SRSF11: variants seen among roughly 807,000 people sequenced by gnomAD.
SRSF11 encodes the protein serine/arginine-rich splicing factor 11.
A neutral mutation model predicts 56.0 loss-of-function variants in SRSF11; 9 were observed. The observed-to-expected ratio is 0.16, with a 90% CI of 0.10 to 0.28. The LOEUF is 0.28. Among genes scored for constraint, SRSF11 ranks in the 10% least tolerant of loss-of-function variants. The pLI is 1.00. For missense variants in SRSF11, 421 were observed against 600.7 expected, an observed-to-expected ratio of 0.70 and a Z score of 3.13; for synonymous variants, 222 against 215.3, an observed-to-expected ratio of 1.03 and a Z score of -0.27.
intron 9 of SRSF11, chr1:70,249,278 A>G (rs1235048473): frequency 6.6e-6 from 1 of 152,202 alleles, no homozygotes; most frequent in East Asian, 1.9e-4. Flanking sequence ...TCTATATCAC[A>G]TTATTGAATT....
Position 70,221,764 on chromosome 1 carries a change from G to C in SRSF11, c.128G>C (p.Ser43Thr), listed in dbSNP as rs1309136475. 2.5e-6 allele frequency: 4 copies of C among 1,614,158 alleles called. No homozygotes were observed. In the South Asian group the frequency reaches 3.3e-5, roughly 13 times the overall value. The change falls in exon 1 of 12, where the codon AGC becomes ACC. Residue 43 changes from serine (S) to threonine (T), a missense_variant. Ser to Thr is a moderately conservative substitution (Grantham distance 58). Transcript: ENST00000370949. ...ATCCAGGTGACTAATGTCTCCCCGAGCGCTAGCTCTGAGCAGATGCGGACT... is the reference window on the plus strand; with the variant it reads ...ATCCAGGTGACTAATGTCTCCCCGACCGCTAGCTCTGAGCAGATGCGGACT... ...EVIQVTNVSP[S>T]ASSEQMRTLF... is the part of the protein sequence containing the mutation.
intron 1 of SRSF11, among the ~76,000 whole-genome samples, chr1:70,225,532 A>T (rs1571690007): frequency 6.6e-6 from 1 of 152,160 alleles, no homozygotes; most frequent in South Asian, 2.1e-4. Context: ...TGGAAGGCTG[A>T]TATCAGTGGC....
At chr1:70,228,401 T>C (rs373981073) in intron 1 of SRSF11, 21 bp from the exon 2 acceptor site, 20 of 1,575,508 alleles carry the variant, frequency 1.3e-5, no homozygotes, top group Non-Finnish European at 1.6e-5. Flanking sequence ...TTCTCTTTTA[T>C]GTTATTTGTT....
In SRSF11 at chr1:70,238,502, A is replaced by G. The variant is rs72929226; in HGVS notation, c.719-937A>G. On this transcript the variant is annotated intron_variant, in intron 6 of 11. Coordinates refer to ENST00000370949, the MANE Select transcript of SRSF11 (RefSeq NM_001350605.2). ...TGATAGTCAGTGAATGTAGAATACA[A>G]TGACTTTATTTCTCTTGTTATGTCC... is the stretch of plus-strand genomic sequence containing the variant. Among the ~76,000 whole-genome samples, 595 of 152,338 alleles carry G rather than the reference A, an allele frequency of 3.9e-3. 3 individuals are homozygous for G. Among genetic ancestry groups the G allele is most frequent in the African/African-American group, 0.013 (552 of 41,588 alleles).
At chr1:70,242,130 C>T (rs1675571376) in intron 7 of SRSF11, among the ~76,000 whole-genome samples, 1 of 147,690 alleles carries the variant, frequency 6.8e-6, no homozygotes. Context: ...GATGGCGCCA[C>T]TGCACTCCAG....
In SRSF11 at chr1:70,247,000, A is replaced by G. The variant is rs1676913943; in HGVS notation, c.1022+93A>G. ...GTCAGTATGAAGTCTTTTCCAGAACATAAGTATTTCAGTGTTGAAAAAAGT... is the reference window on the plus strand; with the variant it reads ...GTCAGTATGAAGTCTTTTCCAGAACGTAAGTATTTCAGTGTTGAAAAAAGT... On this transcript the variant is annotated intron_variant, in intron 9 of 11. Coordinates refer to ENST00000370949, the MANE Select transcript of SRSF11 (RefSeq NM_001350605.2). The G allele has an allele frequency of 4.1e-6, 5 of 1,208,874 alleles. No homozygotes were observed. In the East Asian group the frequency reaches 7.9e-5, roughly 19 times the overall value. 74.9% of individuals were successfully genotyped at this position (1,208,874 alleles called of 1,614,324 possible). A position where few individuals can be genotyped will look rare whatever the true frequency, so the allele number is the denominator to read the frequency against.
In SRSF11 at chr1:70,249,878, A is replaced by G; in HGVS notation, c.1023-74A>G. On this transcript the variant is annotated intron_variant, in intron 9 of 11. Coordinates refer to ENST00000370949, the MANE Select transcript of SRSF11 (RefSeq NM_001350605.2). ...TCTGGCCACATCTTTCATTGTTAGA[A>G]TCATCTATGATGTGTCTGCATTTTT... 5.4e-6 allele frequency: 8 copies of G among 1,472,296 alleles called. No homozygotes were observed. The South Asian group carries it at 8.0e-5, about 15-fold the overall frequency. The allele number at this position is 1,472,296 out of a possible 1,614,324, so 91.2% of individuals were successfully genotyped here.
intron 1 of SRSF11, among the ~76,000 whole-genome samples, chr1:70,208,186 T>G (rs1669226873): frequency 6.6e-6 from 1 of 152,224 alleles, no homozygotes; most frequent in Admixed American, 6.5e-5. Flanking sequence ...TGTTTCATCT[T>G]GTATAAGGAA....
chr1:70,244,908 C>T, intron 8 of SRSF11, 93 bp downstream of exon 8: 1 of 1,283,286 alleles, frequency 7.8e-7, no homozygotes, highest in Middle Eastern at 1.9e-4. Flanking sequence ...GGGTGCGGGG[C>T]AGAGAAATAG....
chr1:70,242,925 T>C (rs1675824359), intron 7 of SRSF11, among the ~76,000 whole-genome samples: 2 of 152,142 alleles, frequency 1.3e-5, no homozygotes, highest in Non-Finnish European at 2.9e-5. Context: ...GTGGAGCCTA[T>C]GGTAGGGTAG....
intron 6 of SRSF11, among the ~76,000 whole-genome samples, chr1:70,238,772 C>T (rs1427405847): frequency 6.6e-6 from 1 of 152,162 alleles, no homozygotes; most frequent in Non-Finnish European, 1.5e-5. Flanking sequence ...AGAACCTTGT[C>T]AAGAGTAAAT....
At chr1:70,215,532 A>C (rs1669931366) in intron 1 of SRSF11, among the ~76,000 whole-genome samples, 1 of 152,164 alleles carries the variant, frequency 6.6e-6, no homozygotes, top group Non-Finnish European at 1.5e-5. Context: ...GGTATCAGAA[A>C]CCCAAAGACT....
At chr1:70,217,184 G>A (rs1289333033), upstream of SRSF11, among the ~76,000 whole-genome samples, 2 of 151,728 alleles carry the variant, frequency 1.3e-5, no homozygotes, top group Non-Finnish European at 1.5e-5. Flanking sequence ...TTGAGATGGC[G>A]TTTCGCTCTT....
At chr1:70,214,658 T>C (rs1316978589) in intron 1 of SRSF11, among the ~76,000 whole-genome samples, 1 of 152,202 alleles carries the variant, frequency 6.6e-6, no homozygotes, top group African/African-American at 2.4e-5. Context: ...GTAGACTTTT[T>C]TTCTGTCCTG....
At chr1:70,240,702 A>C (rs1409798539) in intron 7 of SRSF11, among the ~76,000 whole-genome samples, 1 of 151,172 alleles carries the variant, frequency 6.6e-6, no homozygotes, top group Non-Finnish European at 1.5e-5. Flanking sequence ...CAGAACTAGG[A>C]TATTCCAGTT....
At chr1:70,250,109 C>T in intron 10 of SRSF11, 62 bp downstream of exon 10, 1 of 1,472,240 alleles carries the variant, frequency 6.8e-7, no homozygotes, top group Non-Finnish European at 9.4e-7. Flanking sequence ...CATTTTAAAA[C>T]TGTCCTGTAG....
intron 2 of SRSF11, 62 bp from the exon 3 acceptor site, chr1:70,232,206 G>GTT (rs752535750): frequency 1.2e-4 from 195 of 1,612,978 alleles, no homozygotes; most frequent in Middle Eastern, 1.6e-4. Flanking sequence ...TTTTCTGGGT[G>GTT]TTTTTGTGTG....
chr1:70,233,027 G>T (rs888847990), intron 3 of SRSF11, among the ~76,000 whole-genome samples: 8 of 152,132 alleles, frequency 5.3e-5, no homozygotes, highest in Non-Finnish European at 1.0e-4. Flanking sequence ...TCTTTCTAGT[G>T]TATCATTTTG....
intron 1 of SRSF11, among the ~76,000 whole-genome samples, chr1:70,208,627 C>T (rs1359393148): frequency 2.0e-5 from 3 of 148,946 alleles, no homozygotes; most frequent in Non-Finnish European, 3.0e-5. Context: ...TGTGAGCCAC[C>T]GCACCCAGCT....
Sources: gnomAD v4.1 joint callset for allele counts (sites outside exome capture counted in the v4.1 genomes callset) on GRCh38, gnomAD v4.1.1 for gene constraint, MANE v1.5 for transcripts, NCBI Gene and HGNC (gene_info 2026-07-23, HGNC 2026-07-21) for gene names.